BBC3: variants seen among roughly 807,000 people sequenced by gnomAD.
BBC3 encodes bcl-2-binding component 3.
In BBC3, 5 loss-of-function variants were observed where a neutral mutation model predicts 18.2. The ratio of observed to expected loss-of-function variants is 0.27; its 90% CI spans 0.14 to 0.58. The LOEUF (loss-of-function observed/expected upper bound fraction) is 0.58. BBC3 is among the 20% of genes least tolerant of loss of function. BBC3 has a pLI of 0.91. For missense variants in BBC3, 224 were observed against 268.9 expected, an observed-to-expected ratio of 0.83 and a Z score of 1.17; for synonymous variants, 119 against 128.0, an observed-to-expected ratio of 0.93 and a Z score of 0.47.
rs926785015 is a variant in BBC3, at chr19:47,230,040, G to A, written c.-16+889C>T. On this transcript the variant is annotated intron_variant, in intron 1 of 3. Coordinates refer to ENST00000439096, the MANE Select transcript of BBC3 (RefSeq NM_014417.5). The surrounding 1 kb of genome is among the most constrained non-coding windows in gnomAD (Gnocchi z 6.7). Reference sequence around the variant, plus strand: ...ATAAACACACAAACAGCTCACTCCAGCAACACACACACACTACAACCTCCA... The same window carrying A: ...ATAAACACACAAACAGCTCACTCCAACAACACACACACACTACAACCTCCA... Among the ~76,000 whole-genome samples the A allele has an allele frequency of 3.3e-5, 5 of 150,858 alleles. No individual in the cohort carries two copies. Among genetic ancestry groups the A allele is most frequent in the Non-Finnish European group, 5.9e-5 (4 of 67,622 alleles).
intron 3 of BBC3, among the ~76,000 whole-genome samples, chr19:47,223,394 C>T (rs2058774619): frequency 6.6e-6 from 1 of 152,022 alleles, no homozygotes; most frequent in African/African-American, 2.4e-5. Context: ...TGGGGAAACC[C>T]CGTCTCTACT....
chr19:47,230,189 C>G lies in BBC3; in HGVS notation c.-16+740G>C, dbSNP rs1041693358. Reference sequence around the variant, plus strand: ...ACAAGCAGGGCACCCACAGACAGAACCCCACACAAACAGGCGCGGGGACTC... The same window carrying G: ...ACAAGCAGGGCACCCACAGACAGAAGCCCACACAAACAGGCGCGGGGACTC... On this transcript the variant is annotated intron_variant, in intron 1 of 3. Transcript: ENST00000439096. The surrounding 1 kb of genome is among the most constrained non-coding windows in gnomAD (Gnocchi z 6.7). Among the ~76,000 whole-genome samples the G allele has an allele frequency of 6.6e-6, 1 of 152,022 alleles. No individual in the cohort carries two copies. Among genetic ancestry groups the G allele is most frequent in the Non-Finnish European group, 1.5e-5 (1 of 67,980 alleles).
intron 3 of BBC3, chr19:47,222,134 G>C: frequency 2.0e-6 from 1 of 507,738 alleles, no homozygotes; most frequent in South Asian, 3.1e-5. Context: ...CTTCAGCAGA[G>C]AGCTGGGCAC....
intron 3 of BBC3, among the ~76,000 whole-genome samples, chr19:47,224,202 G>A (rs2058784458): frequency 6.6e-6 from 1 of 152,132 alleles, no homozygotes; most frequent in Non-Finnish European, 1.5e-5. Context: ...GGCTGAGGCA[G>A]GAGAATCACT....
chr19:47,227,808 G>T (rs1435876791), intron 2 of BBC3, among the ~76,000 whole-genome samples: 3 of 152,120 alleles, frequency 2.0e-5, no homozygotes, highest in East Asian at 1.9e-4. Flanking sequence ...CAGTCCTCCC[G>T]CTCGGCCCAC....
chr19:47,231,146 T>TGCCGCC lies in BBC3; in HGVS notation c.-239_-234dup, dbSNP rs574000377. 10,455 of 983,980 alleles carry TGCCGCC rather than the reference T, an allele frequency of 0.011. 405 individuals carry two copies. In the East Asian group the frequency reaches 0.26, roughly 24 times the overall value. 61.0% of individuals were successfully genotyped at this position (983,980 alleles called of 1,614,324 possible). A position where few individuals can be genotyped will look rare whatever the true frequency, so the allele number is the denominator to read the frequency against. ...TCGTGGCCGCTGCTGGGATCGCTGG[T>TGCCGCC]GCCGCCGCCGCCGCCGCCAGGCGCC... On this transcript the variant is annotated 5_prime_UTR_variant, in exon 1 of 4. Transcript: ENST00000439096. The surrounding 1 kb of genome is among the most constrained non-coding windows in gnomAD (Gnocchi z 4.0).
chr19:47,222,231 A>G (rs540079787), intron 3 of BBC3: 1 of 275,542 alleles, frequency 3.6e-6, no homozygotes, highest in Non-Finnish European at 6.8e-6. Flanking sequence ...TGAAGGATGG[A>G]CTGCAACCTA....
At chr19:47,224,699 C>T (rs943429998) in intron 3 of BBC3, among the ~76,000 whole-genome samples, 1 of 150,670 alleles carries the variant, frequency 6.6e-6, no homozygotes, top group Non-Finnish European at 1.5e-5. Flanking sequence ...TATGTTTATC[C>T]AACAGAATAC....
upstream of BBC3, among the ~76,000 whole-genome samples, chr19:47,231,754 C>T (rs535308931): frequency 3.1e-3 from 476 of 152,242 alleles, 2 homozygotes; most frequent in African/African-American, 0.011. The surrounding 1 kb of genome is among the most constrained non-coding windows in gnomAD (Gnocchi z 4.0). Context: ...GACACAATGA[C>T]AGGGCCACAC....
intron 3 of BBC3, among the ~76,000 whole-genome samples, chr19:47,224,856 A>C (rs1001262107): frequency 2.0e-4 from 30 of 149,932 alleles, no homozygotes; most frequent in African/African-American, 7.2e-4. Context: ...CTCCTGCCTC[A>C]GTCTCCCAAG....
At chr19:47,223,481 C>T (rs867882774) in intron 3 of BBC3, among the ~76,000 whole-genome samples, 14 of 150,084 alleles carry the variant, frequency 9.3e-5, no homozygotes, top group South Asian at 2.1e-4. Context: ...GCAGGAGAAT[C>T]GCTTGAACCC....
At chr19:47,226,805 G>A (rs2058831511) in intron 2 of BBC3, 51 bp from the exon 3 acceptor site, 6 of 1,349,114 alleles carry the variant, frequency 4.4e-6, no homozygotes, top group South Asian at 1.7e-5. Context: ...TCCAGGCCTC[G>A]AGGTGTCTCG....
chr19:47,221,604 G>C lies in BBC3; in HGVS notation c.*198C>G, dbSNP rs1440426422. 1.8e-6 allele frequency: 2 copies of C among 1,126,986 alleles called. No homozygotes were observed. The highest frequency in any genetic ancestry group is 2.9e-5 in the Admixed American group (1 of 34,290). 69.8% of individuals were successfully genotyped at this position (1,126,986 alleles called of 1,614,324 possible). On this transcript the variant is annotated 3_prime_UTR_variant, in exon 4 of 4. Coordinates refer to ENST00000439096, the MANE Select transcript of BBC3 (RefSeq NM_014417.5). Reference sequence around the variant, plus strand: ...CCTGGCTTCTTGGCCAGGGACCCAGGAGTCCGCATCTCCGTCAGTGCACCC... The same window carrying C: ...CCTGGCTTCTTGGCCAGGGACCCAGCAGTCCGCATCTCCGTCAGTGCACCC...
At chr19:47,231,304 C>T, upstream of BBC3, 1 of 648,706 alleles carries the variant, frequency 1.5e-6, no homozygotes, top group African/African-American at 2.0e-5. This position sits in a 1 kb window ranked among gnomAD's most constrained non-coding sequence, Gnocchi z 4.0. Flanking sequence ...ACGCTACGGC[C>T]CCGCCCGCCC....
chr19:47,231,145 G>A lies in BBC3; in HGVS notation c.-232C>T. 1.0e-6 allele frequency: 1 copy of A among 974,448 alleles called. No homozygotes were observed. The highest frequency in any genetic ancestry group is 4.9e-5 in the South Asian group (1 of 20,464). 60.4% of individuals were successfully genotyped at this position (974,448 alleles called of 1,614,324 possible). ...GTCGTGGCCGCTGCTGGGATCGCTG[G>A]TGCCGCCGCCGCCGCCGCCAGGCGC... is the stretch of plus-strand genomic sequence containing the variant. On this transcript the variant is annotated 5_prime_UTR_variant, in exon 1 of 4. Coordinates refer to ENST00000439096, the MANE Select transcript of BBC3 (RefSeq NM_014417.5). The surrounding 1 kb of genome is among the most constrained non-coding windows in gnomAD (Gnocchi z 4.0).
In BBC3 at chr19:47,221,827, C is replaced by T. The variant is rs1320494919; in HGVS notation, c.557G>A (p.Arg186Lys). The T allele has an allele frequency of 1.2e-6, 2 of 1,613,550 alleles. No individual in the cohort carries two copies. The highest frequency in any genetic ancestry group is 1.7e-6 in the Non-Finnish European group (2 of 1,179,854). ...CTAATTGGGCTCCATCTCGGGGGCT[C>T]TGTGGCCCCTGGGTAAGGGCAGGAG... ...MGLLPLPRGH[R>K]APEMEPN Residue 186 changes from arginine (R) to lysine (K), a missense_variant, in exon 4 of 4, where the codon AGA (arginine) becomes AAA (lysine). By Grantham distance (26) the Arg-to-Lys change is conservative. Transcript: ENST00000439096.
chr19:47,229,342 C>A (rs542269455), intron 1 of BBC3, among the ~76,000 whole-genome samples: 1 of 152,046 alleles, frequency 6.6e-6, no homozygotes, highest in South Asian at 2.1e-4. Flanking sequence ...AACACACCCA[C>A]ATGTCACCAA....
intron 3 of BBC3, among the ~76,000 whole-genome samples, chr19:47,226,243 T>C (rs930810877): frequency 2.0e-5 from 3 of 151,334 alleles, no homozygotes; most frequent in African/African-American, 7.3e-5. Flanking sequence ...TAGCCCGGGA[T>C]ATATGAGCCG....
At position 47,221,381 on chromosome 19, in the gene BBC3, A is replaced by T; in HGVS notation, c.*421T>A. ...TCCCAGGAGGAGGGGGGGAAGCACC[A>T]GGGGCCTGAGGCCAGGCCCAGAGTG... On this transcript the variant is annotated 3_prime_UTR_variant, in exon 4 of 4. Coordinates refer to ENST00000439096, the MANE Select transcript of BBC3 (RefSeq NM_014417.5). 1 of 268,442 alleles carries T rather than the reference A, an allele frequency of 3.7e-6. No homozygotes were observed. The highest frequency in any genetic ancestry group is 6.0e-5 in the Admixed American group (1 of 16,546). 16.6% of individuals were successfully genotyped at this position (268,442 alleles called of 1,614,324 possible).
Sources: allele counts gnomAD v4.1 joint callset (sites outside exome capture counted in the v4.1 genomes callset), GRCh38; gene constraint gnomAD v4.1.1; non-coding constraint Gnocchi (gnomAD v3.1); transcripts MANE v1.5; gene names NCBI Gene and HGNC (gene_info 2026-07-23, HGNC 2026-07-21).